ACTN4: variants seen among roughly 807,000 people sequenced by gnomAD.
ACTN4 encodes the protein alpha-actinin-4.
Under a neutral mutation model 114.2 loss-of-function variants are expected in ACTN4, and 18 were observed. The ratio of observed to expected loss-of-function variants is 0.16; its 90% confidence interval spans 0.11 to 0.23. ACTN4 has a LOEUF of 0.23. Among genes scored for constraint, ACTN4 ranks in the 10% least tolerant of loss-of-function variants. ACTN4 has a pLI of 1.00. For missense variants in ACTN4, 722 were observed against 1,262.9 expected (o/e 0.57, Z 6.49); for synonymous variants, 515 against 506.3 (o/e 1.02, Z -0.23).
intron 1 of ACTN4, among the ~76,000 whole-genome samples, chr19:38,648,753 A>G (rs1976466140): frequency 6.6e-6 from 1 of 151,640 alleles, no homozygotes; most frequent in Non-Finnish European, 1.5e-5. Flanking sequence ...AGGGATGGAG[A>G]AGCCGAAGTA....
chr19:38,701,549 C>G (rs1216191723), intron 3 of ACTN4, among the ~76,000 whole-genome samples: 1 of 152,190 alleles, frequency 6.6e-6, no homozygotes, highest in Admixed American at 6.5e-5. Context: ...GACTGGAGGC[C>G]CCATGTCAGG....
intron 1 of ACTN4, among the ~76,000 whole-genome samples, chr19:38,671,946 G>A (rs1304323868): frequency 6.6e-6 from 1 of 152,210 alleles, no homozygotes; most frequent in Admixed American, 6.5e-5. Flanking sequence ...ATAGCTGGAA[G>A]AAAAATGGTT....
At chr19:38,660,364 T>G (rs1976845250) in intron 1 of ACTN4, among the ~76,000 whole-genome samples, 1 of 152,114 alleles carries the variant, frequency 6.6e-6, no homozygotes, top group Non-Finnish European at 1.5e-5. Context: ...GACACTATTC[T>G]AAGTGCTTCC....
intron 1 of ACTN4, among the ~76,000 whole-genome samples, chr19:38,693,349 G>A (rs983057365): frequency 6.6e-6 from 1 of 152,216 alleles, no homozygotes; most frequent in Non-Finnish European, 1.5e-5. Context: ...TCTGGGCTTA[G>A]TGGAATTCCA....
Position 38,655,807 on chromosome 19 carries a change from C to T in ACTN4, c.162+7900C>T, listed in dbSNP as rs12984295. The stretch of plus-strand genomic sequence containing the variant: ...CTCAAGTTCCTTATGTAAGATAAAA[C>T]GATGTGTAATTTGCATTTTAACTAT... On this transcript the variant is annotated intron_variant, in intron 1 of 20. Transcript: ENST00000252699. 8.9e-3 allele frequency among the ~76,000 whole-genome samples: 1,356 copies of T among 152,272 alleles called. 10 individuals are homozygous for T. The highest frequency in any genetic ancestry group is 0.016 in the Non-Finnish European group (1,074 of 68,010).
intron 12 of ACTN4, among the ~76,000 whole-genome samples, chr19:38,722,133 T>C (rs1412513006): frequency 3.9e-5 from 6 of 152,166 alleles, no homozygotes; most frequent in Middle Eastern, 3.2e-3. Flanking sequence ...AATACACTTA[T>C]TGTAAGAGCT....
intron 1 of ACTN4, among the ~76,000 whole-genome samples, chr19:38,651,348 G>A (rs1248493765): frequency 6.6e-6 from 1 of 152,102 alleles, no homozygotes; most frequent in African/African-American, 2.4e-5. Flanking sequence ...TTTTACATGA[G>A]AGGGCCATGA....
In ACTN4 at chr19:38,729,825, C is replaced by T. The variant is rs1463756542; in HGVS notation, c.*393C>T. On this transcript the variant is annotated 3_prime_UTR_variant, in exon 21 of 21. Coordinates refer to ENST00000252699, the MANE Select transcript of ACTN4 (RefSeq NM_004924.6). ...GCCTCCCCAATCCAGGCCAAAGCCC[C>T]ATGTGCCTTGTCCAGGAACTGCCTG... The T allele has an allele frequency of 5.0e-6, 2 of 399,338 alleles. No homozygotes were observed. The highest frequency in any genetic ancestry group is 9.8e-6 in the Non-Finnish European group (2 of 203,184). The allele number at this position is 399,338 out of a possible 1,614,324, so 24.7% of individuals were successfully genotyped here. A position where few individuals can be genotyped will look rare whatever the true frequency, so the allele number is the denominator to read the frequency against.
At position 38,717,799 on chromosome 19, in the gene ACTN4, T is replaced by C; in HGVS notation, c.1144-128T>C. ...GCCCTGTGTAGGCATCCAGGTATAA[T>C]AGCAAAGCATGACACAGACATGACC... On this transcript the variant is annotated intron_variant, in intron 10 of 20. Transcript: ENST00000252699. The surrounding 1 kb of genome is among the most constrained non-coding windows in gnomAD (Gnocchi z 4.0). 7.7e-7 allele frequency: 1 copy of C among 1,291,874 alleles called. No individual in the cohort carries two copies. The highest frequency in any genetic ancestry group is 1.1e-6 in the Non-Finnish European group (1 of 922,120). 80.0% of individuals were successfully genotyped at this position (1,291,874 alleles called of 1,614,324 possible).
intron 9 of ACTN4, among the ~76,000 whole-genome samples, chr19:38,716,076 AT>A (rs991171402): frequency 6.6e-6 from 1 of 151,394 alleles, no homozygotes; most frequent in African/African-American, 2.4e-5. Context: ...TAATTTTTGT[AT>A]TTTTTTTAGT....
chr19:38,659,938 G>C (rs1206094652), intron 1 of ACTN4, among the ~76,000 whole-genome samples: 1 of 41,980 alleles, frequency 2.4e-5, no homozygotes, highest in Non-Finnish European at 5.5e-5. Flanking sequence ...TTTTTTTTTT[G>C]AGTTGGAGTC....
At chr19:38,701,504 C>A (rs1227405357) in intron 3 of ACTN4, among the ~76,000 whole-genome samples, 1 of 152,232 alleles carries the variant, frequency 6.6e-6, no homozygotes, top group Non-Finnish European at 1.5e-5. Flanking sequence ...ACCAGGAACA[C>A]CTTTCTCATT....
chr19:38,731,068 C>T lies in ACTN4; in HGVS notation c.*1636C>T, dbSNP rs1444648007. The T allele has an allele frequency of 1.3e-6, 2 of 1,572,784 alleles. No individual in the cohort carries two copies. Among genetic ancestry groups the T allele is most frequent in the Admixed American group, 1.8e-5 (1 of 54,282 alleles). ...GTGAGTGCCCACCAGTCCCCGTACC[C>T]CTTCCCCCCATGCCCCACCATGCCG... is the stretch of plus-strand genomic sequence containing the variant. On this transcript the variant is annotated 3_prime_UTR_variant, in exon 21 of 21. Transcript: ENST00000252699.
intron 1 of ACTN4, among the ~76,000 whole-genome samples, chr19:38,682,158 G>T (rs1173510052): frequency 6.6e-6 from 1 of 151,896 alleles, no homozygotes; most frequent in Admixed American, 6.6e-5. Flanking sequence ...AAAGCAAAGA[G>T]GATATTTTCC....
chr19:38,683,564 A>C (rs1363550351), intron 1 of ACTN4, among the ~76,000 whole-genome samples: 4 of 152,178 alleles, frequency 2.6e-5, no homozygotes, highest in Non-Finnish European at 5.9e-5. Context: ...CCTTCTCTAA[A>C]AGACACACAA....
intron 3 of ACTN4, among the ~76,000 whole-genome samples, chr19:38,701,859 C>T (rs769788243): frequency 3.9e-5 from 6 of 152,230 alleles, no homozygotes; most frequent in Admixed American, 2.0e-4. Flanking sequence ...TCCATGTTGT[C>T]CCAGCTTCTA....
At chr19:38,681,050 C>T (rs567288398) in intron 1 of ACTN4, among the ~76,000 whole-genome samples, 92 of 137,784 alleles carry the variant, frequency 6.7e-4, no homozygotes, top group African/African-American at 2.3e-3. Flanking sequence ...TACTTGAACC[C>T]GGGAGGTGGA....
At chr19:38,659,076 T>TTTTTTTTTTTTTTTTTTTTG in intron 1 of ACTN4, among the ~76,000 whole-genome samples, 1 of 147,750 alleles carries the variant, frequency 6.8e-6, no homozygotes. Context: ...TTTTTTTTTT[T>TTTTTTTTTTTTTTTTTTTTG]TTGAGACGGA....
rs148908950 is a variant in ACTN4, at chr19:38,730,168, AAAAG to A, written c.*743_*746del. 2,933 of 156,260 alleles carry A rather than the reference AAAAG, an allele frequency of 0.019. 80 individuals carry two copies. The highest frequency in any genetic ancestry group is 0.064 in the African/African-American group (2,635 of 41,386). 9.7% of individuals were successfully genotyped at this position (156,260 alleles called of 1,614,324 possible). ...AATCACAAAAACAAAAAAACTATAA[AAAAG>A]AAAGAATTAAAAACTTTCAGAGAAT... On this transcript the variant is annotated 3_prime_UTR_variant, in exon 21 of 21. Transcript: ENST00000252699.
Sources: gnomAD v4.1 joint callset for allele counts (sites outside exome capture counted in the v4.1 genomes callset) on GRCh38, gnomAD v4.1.1 for gene constraint, Gnocchi (gnomAD v3.1) non-coding constraint, MANE v1.5 for transcripts, NCBI Gene and HGNC (gene_info 2026-07-23, HGNC 2026-07-21) for gene names.